DLGAP2: variants seen among roughly 807,000 people sequenced by gnomAD.
The protein encoded by DLGAP2 is DLG associated protein 2.
DLGAP2 carries 26 observed loss-of-function variants against 100.3 expected under a neutral mutation model. That is an observed-to-expected ratio of 0.26 (90% CI 0.19 to 0.36). DLGAP2 has a LOEUF of 0.36. DLGAP2 is among the 10% of genes least tolerant of loss of function. DLGAP2 has a pLI of 1.00. For missense variants in DLGAP2, 1,858 were observed against 1,453.2 expected, an observed-to-expected ratio of 1.28 and a Z score of -4.53; for synonymous variants, 886 against 630.1, an observed-to-expected ratio of 1.41 and a Z score of -6.08.
Position 1,050,988 on chromosome 8 carries a change from G to A in DLGAP2, c.73+143022G>A, listed in dbSNP as rs1170265695. Among the ~76,000 whole-genome samples the A allele has an allele frequency of 1.2e-3, 34 of 28,836 alleles. 1 individual carries two copies. Among genetic ancestry groups the A allele is most frequent in the Admixed American group, 3.5e-4 (1 of 2,894 alleles). The allele number at this position is 28,836 out of a possible 152,430, so 18.9% of individuals were successfully genotyped here. A position where few individuals can be genotyped will look rare whatever the true frequency, so the allele number is the denominator to read the frequency against. ...TCATTTCGTGGGTGGGGGTCATTTCGTGGGTGGGAGTCATTTTGTGGTGGG... is the reference window on the plus strand; with the variant it reads ...TCATTTCGTGGGTGGGGGTCATTTCATGGGTGGGAGTCATTTTGTGGTGGG... On this transcript the variant is annotated intron_variant, in intron 2 of 14. Transcript: ENST00000637795.
At chr8:1,619,889 C>G (rs1356080200) in intron 6 of DLGAP2, 1 of 152,218 alleles carries the variant, frequency 6.6e-6, no homozygotes, top group East Asian at 1.9e-4. Context: ...CATGTTACTT[C>G]CGACCTGTAA....
At chr8:1,682,531 A>G (rs1055857216) in intron 12 of DLGAP2, among the ~76,000 whole-genome samples, 2 of 151,648 alleles carry the variant, frequency 1.3e-5, no homozygotes, top group Admixed American at 6.6e-5. Context: ...CTGGAGTGCA[A>G]TGGCACGATC....
intron 3 of DLGAP2, among the ~76,000 whole-genome samples, chr8:1,323,060 T>A (rs1800942612): frequency 2.0e-5 from 3 of 151,398 alleles, no homozygotes; most frequent in Non-Finnish European, 2.9e-5. Context: ...AGACAGAGTC[T>A]CGCTCTGTTA....
At chr8:1,461,762 C>G (rs1347392831) in intron 3 of DLGAP2, among the ~76,000 whole-genome samples, 1 of 29,142 alleles carries the variant, frequency 3.4e-5, no homozygotes, top group African/African-American at 1.8e-4. Context: ...GCTGCTGTCA[C>G]GTGGGCTGGG....
At chr8:1,382,179 A>T (rs956916753) in intron 3 of DLGAP2, among the ~76,000 whole-genome samples, 1 of 152,240 alleles carries the variant, frequency 6.6e-6, no homozygotes, top group Non-Finnish European at 1.5e-5. Context: ...CATGTATTAC[A>T]TGCTGTATTC....
chr8:1,276,103 A>G (rs1219079689), intron 3 of DLGAP2, among the ~76,000 whole-genome samples: 1 of 144,058 alleles, frequency 6.9e-6, no homozygotes, highest in East Asian at 2.0e-4. Context: ...TATAATATAT[A>G]AATATATATA....
At chr8:1,079,665 A>G (rs1032583309) in intron 2 of DLGAP2, among the ~76,000 whole-genome samples, 1 of 152,238 alleles carries the variant, frequency 6.6e-6, no homozygotes, top group African/African-American at 2.4e-5. Context: ...TGCTGGAGAC[A>G]CAGAGACAAT....
chr8:877,669 A>C (rs539612469), intron 1 of DLGAP2, among the ~76,000 whole-genome samples: 3 of 152,212 alleles, frequency 2.0e-5, no homozygotes, highest in African/African-American at 7.2e-5. Context: ...TCTTCCCTGC[A>C]AGCCAGTAAC....
intron 8 of DLGAP2, among the ~76,000 whole-genome samples, chr8:1,633,402 C>A (rs528797866): frequency 1.3e-5 from 2 of 152,126 alleles, no homozygotes; most frequent in African/African-American, 4.8e-5. Context: ...TCTGCTGATG[C>A]GCAGTGACTC....
At chr8:1,653,568 C>G (rs1798215670) in intron 8 of DLGAP2, among the ~76,000 whole-genome samples, 2 of 152,328 alleles carry the variant, frequency 1.3e-5, no homozygotes, top group South Asian at 4.1e-4. Flanking sequence ...ATTGGCAGGA[C>G]CAACGGCAGC....
At chr8:1,460,712 A>T (rs1798449169) in intron 3 of DLGAP2, among the ~76,000 whole-genome samples, 1 of 152,204 alleles carries the variant, frequency 6.6e-6, no homozygotes, top group African/African-American at 2.4e-5. Flanking sequence ...GATAACTCAT[A>T]ATTTGTTTTG....
At chr8:1,232,300 G>A (rs1798551637) in intron 2 of DLGAP2, among the ~76,000 whole-genome samples, 1 of 152,212 alleles carries the variant, frequency 6.6e-6, no homozygotes, top group Non-Finnish European at 1.5e-5. Flanking sequence ...TTTGCTGTTT[G>A]GACCTGAGTG....
intron 3 of DLGAP2, among the ~76,000 whole-genome samples, chr8:1,389,476 C>G (rs899566354): frequency 4.6e-5 from 7 of 152,004 alleles, no homozygotes; most frequent in African/African-American, 1.4e-4. Flanking sequence ...GAAGAAGTGT[C>G]GATGAGGGAC....
Position 764,693 on chromosome 8 carries a change from C to T in DLGAP2, c.18+26868C>T, listed in dbSNP as rs140659192. On this transcript the variant is annotated intron_variant, in intron 1 of 14. Coordinates refer to ENST00000637795, the MANE Select transcript of DLGAP2 (RefSeq NM_001346810.2). ...CTACCGTAAGTACCATAAAACTGGCCCCATCACACACCTTGTGGTTGTAGT... is the reference window on the plus strand; with the variant it reads ...CTACCGTAAGTACCATAAAACTGGCTCCATCACACACCTTGTGGTTGTAGT... Among the ~76,000 whole-genome samples the T allele has an allele frequency of 7.2e-5, 11 of 152,218 alleles. No homozygotes were observed. The East Asian group carries it at 1.5e-3, about 21-fold the overall frequency.
At chr8:1,218,306 G>A (rs1319338416) in intron 2 of DLGAP2, among the ~76,000 whole-genome samples, 7 of 152,140 alleles carry the variant, frequency 4.6e-5, no homozygotes, top group African/African-American at 1.7e-4. Context: ...TTCTGCATAT[G>A]GGTAGCCAGC....
chr8:1,328,499 T>A (rs914892696), intron 3 of DLGAP2, among the ~76,000 whole-genome samples: 1 of 151,666 alleles, frequency 6.6e-6, no homozygotes, highest in Non-Finnish European at 1.5e-5. Flanking sequence ...TTTTTGTTTT[T>A]TTGTTTGTTT....
chr8:757,657 C>T (rs915246768), intron 1 of DLGAP2, among the ~76,000 whole-genome samples: 8 of 152,272 alleles, frequency 5.3e-5, no homozygotes, highest in African/African-American at 1.9e-4. Flanking sequence ...GGGTTGGGAT[C>T]GTACGGGACC....
intron 13 of DLGAP2, among the ~76,000 whole-genome samples, chr8:1,694,590 G>C (rs147063522): frequency 3.0e-4 from 45 of 152,274 alleles, no homozygotes; most frequent in African/African-American, 1.0e-3. Flanking sequence ...CAGCAGTTTG[G>C]TGTCCCCAGA....
chr8:1,445,258 T>G (rs1480605542), intron 3 of DLGAP2, among the ~76,000 whole-genome samples: 2 of 95,488 alleles, frequency 2.1e-5, no homozygotes, highest in Non-Finnish European at 3.8e-5. Context: ...CCCACAACAG[T>G]CCCCAGAGTG....
Sources: gnomAD v4.1 joint callset for allele counts (sites outside exome capture counted in the v4.1 genomes callset) on GRCh38, gnomAD v4.1.1 for gene constraint, MANE v1.5 for transcripts, NCBI Gene and HGNC (gene_info 2026-07-23, HGNC 2026-07-21) for gene names.